HECA: variants seen among roughly 807,000 people sequenced by gnomAD.
HECA encodes headcase protein homolog.
Under a neutral mutation model 37.6 loss-of-function variants are expected in HECA, and 13 were observed. That is an observed-to-expected ratio of 0.35 (90% CI 0.23 to 0.55). The LOEUF (loss-of-function observed/expected upper bound fraction) is 0.55. HECA is among the 20% of genes least tolerant of loss of function. The pLI is 0.90. For synonymous variants in HECA, 307 were observed against 291.5 expected (o/e 1.05, Z -0.54); for missense variants, 527 against 701.9 (o/e 0.75, Z 2.82).
chr6:139,159,654 T>C (rs1774769073), intron 1 of HECA, among the ~76,000 whole-genome samples: 1 of 152,188 alleles, frequency 6.6e-6, no homozygotes, highest in Non-Finnish European at 1.5e-5. Context: ...CCTCTCTCTA[T>C]TACTGTGGTC....
chr6:139,166,626 C>G lies in HECA; in HGVS notation c.614C>G (p.Ser205Cys). 1 of 1,614,220 alleles carries G rather than the reference C, an allele frequency of 6.2e-7. No homozygotes were observed. Among genetic ancestry groups the G allele is most frequent in the Non-Finnish European group, 8.5e-7 (1 of 1,180,048 alleles). The change falls in exon 2 of 4, where the codon TCT becomes TGT. Residue 205 changes from serine (S) to cysteine (C), a missense_variant. Physicochemically the swap from Ser to Cys is moderately radical, Grantham distance 112 (BLOSUM62 -1). This residue lies in a region of HECA where 228 missense variants were observed against 259.8 expected (regional missense o/e 0.88). Transcript: ENST00000367658. ...KRMQDEKKKKSGSEKNTGRPP... is the reference protein window; with the variant it reads ...KRMQDEKKKKCGSEKNTGRPP... ...ATGCAGGACGAGAAAAAGAAGAAGTCTGGCTCCGAGAAGAACACAGGGAGG... is the reference window on the plus strand; with the variant it reads ...ATGCAGGACGAGAAAAAGAAGAAGTGTGGCTCCGAGAAGAACACAGGGAGG...
At chr6:139,158,169 T>C (rs1457842216) in intron 1 of HECA, among the ~76,000 whole-genome samples, 1 of 150,956 alleles carries the variant, frequency 6.6e-6, no homozygotes, top group South Asian at 2.1e-4. Flanking sequence ...CCAGCCTGGG[T>C]AACAGAGTGA....
In HECA at chr6:139,176,051, G is replaced by A. The variant is rs969522245; in HGVS notation, c.1468-890G>A. On this transcript the variant is annotated intron_variant, in intron 3 of 3. Transcript: ENST00000367658. The surrounding 1 kb of genome is among the most constrained non-coding windows in gnomAD (Gnocchi z 4.5). ...AATTGATTCTTAGAAAGGTATAACA[G>A]TGTGAAGACGGGTTTGCTCAGAATC... 6.6e-6 allele frequency among the ~76,000 whole-genome samples: 1 copy of A among 152,240 alleles called. No homozygotes were observed. Among genetic ancestry groups the A allele is most frequent in the African/African-American group, 2.4e-5 (1 of 41,470 alleles).
intron 2 of HECA, among the ~76,000 whole-genome samples, chr6:139,171,401 C>T (rs1774971151): frequency 6.6e-6 from 1 of 152,096 alleles, no homozygotes; most frequent in African/African-American, 2.4e-5. Flanking sequence ...TAGATGTGCC[C>T]ACAAAGATAC....
At chr6:139,149,812 C>T (rs1049458573) in intron 1 of HECA, among the ~76,000 whole-genome samples, 7 of 152,140 alleles carry the variant, frequency 4.6e-5, no homozygotes, top group Non-Finnish European at 7.4e-5. Flanking sequence ...CTGAGGCAAC[C>T]GAAGCCTTGA....
At chr6:139,172,649 C>T (rs1285619108) in intron 2 of HECA, among the ~76,000 whole-genome samples, 1 of 152,094 alleles carries the variant, frequency 6.6e-6, no homozygotes, top group Non-Finnish European at 1.5e-5. Flanking sequence ...CAATGTGTAG[C>T]AGAACTGAAA....
intron 1 of HECA, among the ~76,000 whole-genome samples, chr6:139,154,418 A>G (rs1774689416): frequency 6.6e-6 from 1 of 152,360 alleles, no homozygotes; most frequent in Non-Finnish European, 1.5e-5. Flanking sequence ...CTAAGACACA[A>G]TGCAGGCCAA....
Position 139,135,661 on chromosome 6 carries a change from A to G in HECA, c.265A>G (p.Lys89Glu). ...GGGGGCTGCGGCCGCGGGCGATGCC[A>G]AAAACGGTAAGACGGGGCTGGCGGG... ...AAGAAAAGDA[K>E]NEAPCATPLI... The change falls in exon 1 of 4, where the codon AAA (lysine) becomes GAA (glutamate). Residue 89 changes from lysine to glutamate, a missense_variant. Coordinates refer to ENST00000367658, the MANE Select transcript of HECA (RefSeq NM_016217.3). 1 of 979,518 alleles carries G rather than the reference A, an allele frequency of 1.0e-6. No homozygotes were observed. The highest frequency in any genetic ancestry group is 4.7e-5 in the South Asian group (1 of 21,444). 60.7% of individuals were successfully genotyped at this position (979,518 alleles called of 1,614,324 possible).
At chr6:139,135,822 T>G (rs1774427747) in intron 1 of HECA, among the ~76,000 whole-genome samples, 155 bp downstream of exon 1, 1 of 150,514 alleles carries the variant, frequency 6.6e-6, no homozygotes, top group African/African-American at 2.4e-5. Flanking sequence ...CCCTTCGCGG[T>G]CCCCACGCCT....
At chr6:139,170,304 C>G (rs1000040893) in intron 2 of HECA, 2 of 152,210 alleles carry the variant, frequency 1.3e-5, no homozygotes, top group Non-Finnish European at 2.9e-5. Flanking sequence ...ATGCTGGGTA[C>G]TATCAGTTCT....
chr6:139,154,775 T>A (rs2114452178), intron 1 of HECA, among the ~76,000 whole-genome samples: 1 of 152,380 alleles, frequency 6.6e-6, no homozygotes, highest in South Asian at 2.1e-4. Context: ...CGTTGTAATT[T>A]ACATGGTAAA....
Position 139,135,519 on chromosome 6 carries a change from G to T in HECA, c.123G>T (p.Gly41=). 9.8e-7 allele frequency: 1 copy of T among 1,020,436 alleles called. No individual in the cohort carries two copies. Among genetic ancestry groups the T allele is most frequent in the South Asian group, 4.3e-5 (1 of 23,144 alleles). The allele number at this position is 1,020,436 out of a possible 1,614,324, so 63.2% of individuals were successfully genotyped here. ...CGGGCGCGGCGGGAGCGGCGGCCGG[G>T]GGGGCCCTGGCGGCGGCGGCCGGTT... ...AAAGAAGAAA[G]GALAAAAGCG... is the part of the protein sequence containing the mutation. Residue 41 remains glycine (G), a synonymous_variant, in exon 1 of 4, where the codon GGG becomes GGT. Transcript: ENST00000367658.
chr6:139,143,851 C>T (rs1774546594), intron 1 of HECA, among the ~76,000 whole-genome samples: 1 of 114,862 alleles, frequency 8.7e-6, no homozygotes, highest in Non-Finnish European at 1.7e-5. Flanking sequence ...CAGAGCGAGA[C>T]TCTGTCTCAA....
At position 139,174,467 on chromosome 6, in the gene HECA, G is replaced by A. The variant is rs200895705; in HGVS notation, c.1395G>A (p.Arg465=). 9 of 1,614,062 alleles carry A rather than the reference G, an allele frequency of 5.6e-6. No homozygotes were observed. The highest frequency in any genetic ancestry group is 2.7e-5 in the African/African-American group (2 of 75,010). Residue 465 remains arginine (R), a synonymous_variant, in exon 3 of 4, where the codon CGG becomes CGA. Transcript: ENST00000367658. ...TCATCTGCATCAAGTGTAAGTCACG[G>A]TGGGATGGCAGCTGGCACCAGCTGG... is the stretch of plus-strand genomic sequence containing the variant. The part of the protein sequence containing the change: ...HKIICIKCKS[R]WDGSWHQLGT...
chr6:139,136,630 T>A (rs901129934), intron 1 of HECA, among the ~76,000 whole-genome samples: 4 of 149,284 alleles, frequency 2.7e-5, no homozygotes, highest in African/African-American at 4.9e-5. Context: ...GATCAGGCAC[T>A]TTTTTGTTTT....
chr6:139,167,281 G>T lies in HECA; in HGVS notation c.1269G>T (p.Ser423=), dbSNP rs375410347. The part of the protein sequence containing the change: ...LVDGTLFLSP[S]RHDEIEYDVP... ...ATGGAACTTTGTTCCTAAGCCCGTC[G>T]AGACATGATGAGATCGAATATGATG... is the stretch of plus-strand genomic sequence containing the variant. The change falls in exon 2 of 4, where the codon TCG becomes TCT. Residue 423 remains serine (S), a synonymous_variant. Coordinates refer to ENST00000367658, the MANE Select transcript of HECA (RefSeq NM_016217.3). 3 of 1,609,248 alleles carry T rather than the reference G, an allele frequency of 1.9e-6. No homozygotes were observed. The highest frequency in any genetic ancestry group is 2.6e-6 in the Non-Finnish European group (3 of 1,176,048).
Position 139,135,198 on chromosome 6 carries a change from C to A in HECA, c.-199C>A, listed in dbSNP as rs1032981890. On this transcript the variant is annotated 5_prime_UTR_variant, in exon 1 of 4. Coordinates refer to ENST00000367658, the MANE Select transcript of HECA (RefSeq NM_016217.3). The stretch of plus-strand genomic sequence containing the variant: ...CTGCGAGCCTCGGGTGGCCGCGTGC[C>A]GGCTCCAGGAAGCCGGAGAGGGCGC... 6 of 300,062 alleles carry A rather than the reference C, an allele frequency of 2.0e-5. No individual in the cohort carries two copies. Among genetic ancestry groups the A allele is most frequent in the African/African-American group, 1.4e-4 (6 of 44,342 alleles). The allele number at this position is 300,062 out of a possible 1,614,324, so 18.6% of individuals were successfully genotyped here.
intron 1 of HECA, among the ~76,000 whole-genome samples, chr6:139,150,208 G>T: frequency 6.6e-6 from 1 of 152,054 alleles, no homozygotes; most frequent in East Asian, 1.9e-4. Context: ...TTATAGAATT[G>T]TGAATTTACC....
At chr6:139,167,416 C>T in intron 2 of HECA, 92 bp downstream of exon 2, 1 of 1,113,420 alleles carries the variant, frequency 9.0e-7, no homozygotes, top group Non-Finnish European at 1.3e-6. Flanking sequence ...TAGTTTTCAC[C>T]AGTGTTGTTT....
Sources: allele counts gnomAD v4.1 joint callset (sites outside exome capture counted in the v4.1 genomes callset), GRCh38; gene constraint gnomAD v4.1.1; regional missense constraint gnomAD v4.1.1; non-coding constraint Gnocchi (gnomAD v3.1); transcripts MANE v1.5; gene names NCBI Gene and HGNC (gene_info 2026-07-23, HGNC 2026-07-21).